Variants in IMMP2L observed in about 807,000 individuals in gnomAD.
IMMP2L encodes the protein mitochondrial inner membrane protease subunit 2.
IMMP2L carries 18 observed loss-of-function variants against 19.3 expected under a neutral mutation model. The ratio of observed to expected loss-of-function variants is 0.93; its 90% confidence interval spans 0.64 to 1.38. The LOEUF is 1.38. Ranked by LOEUF, IMMP2L falls within the 40% of genes most tolerant of loss-of-function variation. IMMP2L has a pLI of 0.00. For synonymous variants in IMMP2L, 76 were observed against 73.0 expected, an observed-to-expected ratio of 1.04 and a Z score of -0.21; for missense variants, 233 against 218.2, an observed-to-expected ratio of 1.07 and a Z score of -0.43.
intron 5 of IMMP2L, among the ~76,000 whole-genome samples, chr7:110,817,830 T>G (rs1369235932): frequency 6.6e-6 from 1 of 152,142 alleles, no homozygotes; most frequent in African/African-American, 2.4e-5. Flanking sequence ...CCATCTGATC[T>G]TTGACAAACC....
chr7:111,059,296 C>T (rs1793797606), intron 3 of IMMP2L, among the ~76,000 whole-genome samples: 1 of 152,082 alleles, frequency 6.6e-6, no homozygotes, highest in African/African-American at 2.4e-5. Context: ...CGCATCTTGT[C>T]AATGGTAGAT....
intron 3 of IMMP2L, among the ~76,000 whole-genome samples, chr7:111,228,013 C>T (rs766465013): frequency 3.3e-5 from 5 of 152,024 alleles, no homozygotes; most frequent in East Asian, 1.9e-4. Flanking sequence ...ATTTCAGAAC[C>T]GATTCCATTG....
chr7:110,832,562 C>T (rs572185775), intron 5 of IMMP2L, among the ~76,000 whole-genome samples: 13 of 152,126 alleles, frequency 8.5e-5, no homozygotes, highest in African/African-American at 3.1e-4. Context: ...GGCCTGGTGA[C>T]CATTGGTGAA....
chr7:111,318,926 G>A (rs1327143210), intron 3 of IMMP2L, among the ~76,000 whole-genome samples: 1 of 152,028 alleles, frequency 6.6e-6, no homozygotes, highest in Non-Finnish European at 1.5e-5. Flanking sequence ...AGATTAGCCT[G>A]CCATTTAGCC....
At chr7:110,804,438 A>T (rs1229654502) in intron 5 of IMMP2L, among the ~76,000 whole-genome samples, 1 of 151,930 alleles carries the variant, frequency 6.6e-6, no homozygotes, top group African/African-American at 2.4e-5. Flanking sequence ...GTAGTGATTC[A>T]CCTATCACTT....
intron 3 of IMMP2L, among the ~76,000 whole-genome samples, chr7:111,219,706 A>T (rs1486803909): frequency 6.6e-6 from 1 of 152,002 alleles, no homozygotes; most frequent in South Asian, 2.1e-4. Context: ...TGTTTGGTTG[A>T]ATCAAATTCA....
At chr7:111,234,984 C>T (rs1814122001) in intron 3 of IMMP2L, among the ~76,000 whole-genome samples, 1 of 152,052 alleles carries the variant, frequency 6.6e-6, no homozygotes, top group Non-Finnish European at 1.5e-5. Context: ...GAGAAAATTA[C>T]CATTTTCAGT....
At chr7:111,318,306 GAACTCAGGTTCCTTACA>G (rs1168688122) in intron 3 of IMMP2L, among the ~76,000 whole-genome samples, 3 of 152,062 alleles carry the variant, frequency 2.0e-5, no homozygotes, top group African/African-American at 7.2e-5. Context: ...AGCCAATGGA[GAACTCAGGTTCCTTACA>G]AAGAACAGAA....
intron 3 of IMMP2L, among the ~76,000 whole-genome samples, chr7:111,075,482 A>G (rs1795322196): frequency 6.6e-6 from 1 of 152,182 alleles, no homozygotes; most frequent in Non-Finnish European, 1.5e-5. Flanking sequence ...GAATATTAGT[A>G]GTTGCCTAAT....
At chr7:110,795,125 G>A (rs891744461) in intron 5 of IMMP2L, among the ~76,000 whole-genome samples, 2 of 152,192 alleles carry the variant, frequency 1.3e-5, no homozygotes, top group East Asian at 3.9e-4. Context: ...AAAAGTGGCT[G>A]GAACATGTTG....
intron 5 of IMMP2L, among the ~76,000 whole-genome samples, chr7:110,865,293 A>C (rs1807872408): frequency 6.6e-6 from 1 of 151,974 alleles, no homozygotes; most frequent in Non-Finnish European, 1.5e-5. Context: ...CATCCTCTAA[A>C]AGTAAATAAA....
chr7:111,526,671 C>G (rs1209820938), intron 1 of IMMP2L, among the ~76,000 whole-genome samples: 1 of 152,142 alleles, frequency 6.6e-6, no homozygotes, highest in Non-Finnish European at 1.5e-5. Context: ...ATTTAACTGA[C>G]TATAATGTTG....
intron 3 of IMMP2L, among the ~76,000 whole-genome samples, chr7:110,968,279 T>A (rs79938703): frequency 2.7e-5 from 4 of 148,738 alleles, no homozygotes; most frequent in East Asian, 1.9e-4. Context: ...AAAAAAAAAA[T>A]TTGGAGCTAG....
At chr7:111,007,851 C>G (rs1461041655) in intron 3 of IMMP2L, among the ~76,000 whole-genome samples, 2 of 152,000 alleles carry the variant, frequency 1.3e-5, no homozygotes, top group African/African-American at 4.8e-5. Flanking sequence ...AACAACATCC[C>G]AAACCAAAAG....
At chr7:111,302,391 T>C (rs1204783179) in intron 3 of IMMP2L, among the ~76,000 whole-genome samples, 1 of 152,110 alleles carries the variant, frequency 6.6e-6, no homozygotes, top group Non-Finnish European at 1.5e-5. Context: ...GACCAGCACA[T>C]AGAATAGTGC....
intron 1 of IMMP2L, among the ~76,000 whole-genome samples, chr7:111,537,004 A>G (rs1393788570): frequency 6.6e-6 from 1 of 152,150 alleles, no homozygotes; most frequent in Non-Finnish European, 1.5e-5. Context: ...TTACCAAAAA[A>G]AAAAATTGAA....
intron 3 of IMMP2L, among the ~76,000 whole-genome samples, chr7:110,970,072 T>C (rs1819976049): frequency 6.6e-6 from 1 of 152,290 alleles, no homozygotes; most frequent in East Asian, 1.9e-4. Context: ...AAAAATTTAA[T>C]AAGCAAATAG....
intron 3 of IMMP2L, among the ~76,000 whole-genome samples, chr7:111,052,362 TAACAAG>T: frequency 6.6e-6 from 1 of 152,296 alleles, no homozygotes; most frequent in South Asian, 2.1e-4. Context: ...TATTACTATA[TAACAAG>T]AATCTTCACT....
chr7:111,493,704 C>CA (rs1012944484), intron 2 of IMMP2L, among the ~76,000 whole-genome samples: 13 of 132,736 alleles, frequency 9.8e-5, no homozygotes, highest in Admixed American at 4.8e-4. Context: ...GACTCCGTCT[C>CA]AAAAAAAAAG....
Sources: gnomAD v4.1 joint callset for allele counts (sites outside exome capture counted in the v4.1 genomes callset) on GRCh38, gnomAD v4.1.1 for gene constraint, MANE v1.5 for transcripts, NCBI Gene and HGNC (gene_info 2026-07-23, HGNC 2026-07-21) for gene names.